STXBP6: variants seen among roughly 807,000 people sequenced by gnomAD.
The protein encoded by STXBP6 is syntaxin binding protein 6, also known as syntaxin-binding protein 6.
In STXBP6, 21 loss-of-function variants were observed where a neutral mutation model predicts 26.9. The ratio of observed to expected loss-of-function variants is 0.78; its 90% CI spans 0.55 to 1.12. The LOEUF (loss-of-function observed/expected upper bound fraction) is 1.12, where lower values mean the gene tolerates loss of function less well. STXBP6 is among the 50% of genes most tolerant of loss of function. STXBP6 has a pLI of 0.00. For synonymous variants in STXBP6, 97 were observed against 92.6 expected, an observed-to-expected ratio of 1.05 and a Z score of -0.27; for missense variants, 232 against 257.9, an observed-to-expected ratio of 0.90 and a Z score of 0.69.
At chr14:24,863,982 A>G (rs1351905815) in intron 2 of STXBP6, among the ~76,000 whole-genome samples, 2 of 152,230 alleles carry the variant, frequency 1.3e-5, no homozygotes, top group Non-Finnish European at 2.9e-5. Flanking sequence ...GTAAATGCCC[A>G]GAGTTGTGAC....
chr14:25,019,868 G>GT (rs35017131), intron 1 of STXBP6, among the ~76,000 whole-genome samples: 31,881 of 128,076 alleles, frequency 0.25, 4,042 homozygotes, highest in African/African-American at 0.3. Flanking sequence ...AGTTTCGTGG[G>GT]TTTTTTTTTT....
chr14:24,826,532 T>C (rs915793632), intron 4 of STXBP6, among the ~76,000 whole-genome samples: 1 of 152,204 alleles, frequency 6.6e-6, no homozygotes, highest in Non-Finnish European at 1.5e-5. Context: ...TACTTTCGTA[T>C]GCCACAATTC....
intron 2 of STXBP6, among the ~76,000 whole-genome samples, chr14:24,901,102 A>G (rs2139635231): frequency 6.6e-6 from 1 of 151,898 alleles, no homozygotes; most frequent in Admixed American, 6.6e-5. Flanking sequence ...CATTTAAAAT[A>G]AAAGGAGGAA....
chr14:24,880,048 G>C (rs1354307248), intron 2 of STXBP6, among the ~76,000 whole-genome samples: 2 of 152,134 alleles, frequency 1.3e-5, no homozygotes, highest in Non-Finnish European at 2.9e-5. Context: ...GTCTGAGAAG[G>C]GACTGGCTGC....
In STXBP6 at chr14:24,810,116, G is replaced by A. The variant is rs2067778953; in HGVS notation, c.*2593C>T. ...GAGAAATACTACAGCTATATTCCAG[G>A]AAGAAGTGGTAATACTGGAAAGTTT... On this transcript the variant is annotated 3_prime_UTR_variant, in exon 6 of 6. Coordinates refer to ENST00000323944, the MANE Select transcript of STXBP6 (RefSeq NM_001394410.1). 1 of 152,176 alleles carries A rather than the reference G, an allele frequency of 6.6e-6. No individual in the cohort carries two copies. The highest frequency in any genetic ancestry group is 6.5e-5 in the Admixed American group (1 of 15,284). The allele number at this position is 152,176 out of a possible 1,614,324, so 9.4% of individuals were successfully genotyped here. A position where few individuals can be genotyped will look rare whatever the true frequency, so the allele number is the denominator to read the frequency against.
At position 24,823,120 on chromosome 14, in the gene STXBP6, C is replaced by T. The variant is rs955317981; in HGVS notation, c.452-3926G>A. Among the ~76,000 whole-genome samples, 3 of 152,098 alleles carry T rather than the reference C, an allele frequency of 2.0e-5. No homozygotes were observed. In the East Asian group the frequency reaches 5.8e-4, roughly 29 times the overall value. ...TTAGTCTCTGGAGATAGAGCAGAGA[C>T]CAATCTTGCTCCACTGATCTTGCCT... On this transcript the variant is annotated intron_variant, in intron 4 of 5. Transcript: ENST00000323944.
At chr14:25,013,304 T>A (rs1291763909) in intron 1 of STXBP6, among the ~76,000 whole-genome samples, 1 of 152,128 alleles carries the variant, frequency 6.6e-6, no homozygotes, top group East Asian at 1.9e-4. Context: ...CAACTGTACC[T>A]CAGGATAGCC....
chr14:25,028,077 G>A (rs1034619768), intron 1 of STXBP6, among the ~76,000 whole-genome samples: 3 of 152,222 alleles, frequency 2.0e-5, no homozygotes, highest in African/African-American at 7.2e-5. Context: ...GCAAGGTGAA[G>A]TGGCAAGTGC....
chr14:24,823,740 A>G (rs965673366), intron 4 of STXBP6, among the ~76,000 whole-genome samples: 2 of 152,216 alleles, frequency 1.3e-5, no homozygotes, highest in African/African-American at 4.8e-5. Flanking sequence ...CCACTTAAGA[A>G]TAACTACCCA....
chr14:24,979,552 T>C (rs947502318), intron 1 of STXBP6, among the ~76,000 whole-genome samples: 1 of 152,244 alleles, frequency 6.6e-6, no homozygotes, highest in African/African-American at 2.4e-5. Context: ...ACTTTGTTTT[T>C]GAAATTCTAC....
At chr14:25,026,883 C>A (rs1483210317) in intron 1 of STXBP6, among the ~76,000 whole-genome samples, 1 of 152,144 alleles carries the variant, frequency 6.6e-6, no homozygotes, top group Non-Finnish European at 1.5e-5. Flanking sequence ...AAAAAAAGTT[C>A]TTTCTGAATC....
intron 2 of STXBP6, among the ~76,000 whole-genome samples, chr14:24,911,452 A>G (rs1272522154): frequency 6.6e-6 from 1 of 152,018 alleles, no homozygotes; most frequent in Non-Finnish European, 1.5e-5. Flanking sequence ...ACCAAGCAGG[A>G]GGATGTCCAA....
chr14:24,819,916 T>C (rs936254783), intron 4 of STXBP6, among the ~76,000 whole-genome samples: 1 of 152,128 alleles, frequency 6.6e-6, no homozygotes, highest in African/African-American at 2.4e-5. Context: ...AAAACAGTGA[T>C]AGAAACCAGC....
At position 24,810,865 on chromosome 14, in the gene STXBP6, C is replaced by CTGTG. The variant is rs3219695; in HGVS notation, c.*1840_*1843dup. On this transcript the variant is annotated 3_prime_UTR_variant, in exon 6 of 6. Transcript: ENST00000323944. Reference sequence around the variant, plus strand: ...CCAATTTGGAAAGATAAATACATCTCTGTGTGTGTGTGTGTGTGTGTGTGT... The same window carrying CTGTG: ...CCAATTTGGAAAGATAAATACATCTCTGTGTGTGTGTGTGTGTGTGTGTGTGTGT... The CTGTG allele has an allele frequency of 0.034, 4,729 of 137,594 alleles. 145 individuals are homozygous for CTGTG. Among genetic ancestry groups the CTGTG allele is most frequent in the East Asian group, 0.1 (466 of 4,600 alleles). 8.5% of individuals were successfully genotyped at this position (137,594 alleles called of 1,614,324 possible).
chr14:24,881,212 G>C (rs2070344535), intron 2 of STXBP6, among the ~76,000 whole-genome samples: 1 of 151,728 alleles, frequency 6.6e-6, no homozygotes, highest in South Asian at 2.1e-4. Context: ...TAATTGAAGG[G>C]TAAAACTCAG....
intron 1 of STXBP6, among the ~76,000 whole-genome samples, chr14:25,037,823 T>C (rs1357232445): frequency 1.3e-5 from 2 of 152,260 alleles, no homozygotes; most frequent in Admixed American, 6.5e-5. Context: ...GGAGATCAAA[T>C]GGTTTTACAC....
chr14:24,976,417 A>C (rs1011508397), intron 1 of STXBP6, among the ~76,000 whole-genome samples: 5 of 152,242 alleles, frequency 3.3e-5, no homozygotes, highest in African/African-American at 1.2e-4. Flanking sequence ...ATCTATACAT[A>C]CACAAAGAAT....
intron 1 of STXBP6, among the ~76,000 whole-genome samples, chr14:25,006,582 A>T (rs1369640546): frequency 1.3e-5 from 2 of 152,228 alleles, no homozygotes; most frequent in Non-Finnish European, 1.5e-5. Context: ...CTCTGCTTCA[A>T]GCAAGGGAGA....
chr14:25,011,656 C>T lies in STXBP6; in HGVS notation c.-32-36806G>A, dbSNP rs558880082. On this transcript the variant is annotated intron_variant, in intron 1 of 5. Transcript: ENST00000323944. ...GTAGCCATTTTTAGAGATTTATATA[C>T]TGTTCAGTGATAAAAATAAATGAGA... is the stretch of plus-strand genomic sequence containing the variant. Among the ~76,000 whole-genome samples, 8 of 152,216 alleles carry T rather than the reference C, an allele frequency of 5.3e-5. No homozygotes were observed. The South Asian group carries it at 1.7e-3, about 32-fold the overall frequency.
Sources: gnomAD v4.1 joint callset for allele counts (sites outside exome capture counted in the v4.1 genomes callset) on GRCh38, gnomAD v4.1.1 for gene constraint, MANE v1.5 for transcripts, NCBI Gene and HGNC (gene_info 2026-07-23, HGNC 2026-07-21) for gene names.